The following POT1 variants were observed in gnomAD, a reference collection of about 807,000 sequenced individuals.
The protein encoded by POT1 is protection of telomeres 1.
A neutral mutation model predicts 78.5 loss-of-function variants in POT1; 47 were observed. That is an observed-to-expected ratio of 0.60 (90% CI 0.47 to 0.76). The LOEUF (loss-of-function observed/expected upper bound fraction) is 0.76. Among genes scored for constraint, POT1 ranks in the 30% least tolerant of loss-of-function variants. The probability of loss-of-function intolerance (pLI) is 0.00; values close to 1 mark genes in which losing one functional copy is unlikely to be tolerated. For missense variants in POT1, 646 were observed against 749.9 expected (o/e 0.86, Z 1.62); for synonymous variants, 259 against 260.7 (o/e 0.99, Z 0.06).
At chr7:124,832,440 C>T (rs1194240978) in intron 15 of POT1, among the ~76,000 whole-genome samples, 1 of 151,714 alleles carries the variant, frequency 6.6e-6, no homozygotes, top group Non-Finnish European at 1.5e-5. Flanking sequence ...TGATGAAACT[C>T]AAGTAATAAA....
At chr7:124,881,313 A>C (rs1796113361) in intron 6 of POT1, among the ~76,000 whole-genome samples, 1 of 151,972 alleles carries the variant, frequency 6.6e-6, no homozygotes, top group African/African-American at 2.4e-5. Context: ...CTCCATTATA[A>C]TCTTACGAGA....
intron 3 of POT1, among the ~76,000 whole-genome samples, chr7:124,908,685 C>T (rs1796822854): frequency 6.6e-6 from 1 of 151,874 alleles, no homozygotes; most frequent in Non-Finnish European, 1.5e-5. Flanking sequence ...GGACACTATG[C>T]TCTATGAGGG....
At chr7:124,882,058 C>T (rs1796131892) in intron 6 of POT1, among the ~76,000 whole-genome samples, 1 of 151,870 alleles carries the variant, frequency 6.6e-6, no homozygotes, top group Non-Finnish European at 1.5e-5. Context: ...CAATCTTGAG[C>T]AATTCAACGA....
chr7:124,834,255 G>A (rs1380915482), intron 15 of POT1, among the ~76,000 whole-genome samples: 1 of 152,116 alleles, frequency 6.6e-6, no homozygotes, highest in Non-Finnish European at 1.5e-5. Context: ...ATTGACAAAT[G>A]GGACCTAATT....
intron 3 of POT1, 72 bp downstream of exon 3, chr7:124,915,502 T>C (rs757274464): frequency 6.6e-6 from 1 of 152,142 alleles, no homozygotes; most frequent in Non-Finnish European, 1.5e-5. Context: ...CACACACATA[T>C]ATATATGAAG....
At chr7:124,888,075 CCT>C (rs1272283995) in intron 6 of POT1, among the ~76,000 whole-genome samples, 3 of 151,996 alleles carry the variant, frequency 2.0e-5, no homozygotes, top group African/African-American at 7.2e-5. Flanking sequence ...AAACCTTTCC[CCT>C]GTTTTATTCC....
intron 7 of POT1, among the ~76,000 whole-genome samples, chr7:124,866,147 A>G (rs1453817071): frequency 6.6e-6 from 1 of 152,108 alleles, no homozygotes; most frequent in Non-Finnish European, 1.5e-5. Flanking sequence ...TGATACGTGG[A>G]AAGCCCATGA....
intron 7 of POT1, among the ~76,000 whole-genome samples, chr7:124,870,155 T>C (rs955440011): frequency 2.0e-5 from 3 of 152,100 alleles, no homozygotes; most frequent in African/African-American, 4.8e-5. Flanking sequence ...TCTAAGGGAC[T>C]GAATATATAC....
chr7:124,892,633 T>A, intron 5 of POT1: 1 of 237,200 alleles, frequency 4.2e-6, no homozygotes, highest in Non-Finnish European at 8.1e-6. Flanking sequence ...TAAAACATTA[T>A]ACTTCTTCAA....
chr7:124,907,419 ATTAAC>A (rs371596750), intron 3 of POT1, among the ~76,000 whole-genome samples: 2 of 152,184 alleles, frequency 1.3e-5, no homozygotes, highest in South Asian at 2.1e-4. Flanking sequence ...AAAATCAACA[ATTAAC>A]TTAACTGCTT....
intron 6 of POT1, among the ~76,000 whole-genome samples, chr7:124,885,458 C>A (rs1563005052): frequency 6.6e-6 from 1 of 151,582 alleles, no homozygotes; most frequent in African/African-American, 2.4e-5. Context: ...GTCAACAGAG[C>A]AAGACCCTGT....
In POT1 at chr7:124,841,096, T is replaced by C. The variant is rs761543329; in HGVS notation, c.1246A>G (p.Thr416Ala). 3 of 1,612,876 alleles carry C rather than the reference T, an allele frequency of 1.9e-6. No homozygotes were observed. Among genetic ancestry groups the C allele is most frequent in the East Asian group, 2.2e-5 (1 of 44,732 alleles). ...TKTPDVKLQN[T>A]SLYDSKIWTT... ...CAGATTTTTGAATCATATAATGATG[T>C]ATTTTGTAGCTTGACATCTGGGGTT... Residue 416 changes from threonine (T) to alanine (A), a missense_variant, in exon 14 of 19, where the codon ACA becomes GCA. Physicochemically the swap from Thr to Ala is moderately conservative, Grantham distance 58. Around this residue, in one of 2 missense-constraint regions of POT1, gnomAD observed 394 missense variants for 408.4 expected, o/e 0.96. Transcript: ENST00000357628.
At chr7:124,869,690 C>A (rs540590621) in intron 7 of POT1, among the ~76,000 whole-genome samples, 1 of 152,314 alleles carries the variant, frequency 6.6e-6, no homozygotes, top group Non-Finnish European at 1.5e-5. Context: ...TCAAGCGATT[C>A]TCCTGCCTCA....
rs201285982 is a variant in POT1, at chr7:124,877,840, C to CAAAAAAAAAAAAAAAAAAAAAA, written c.125-6821_125-6800dup. The stretch of plus-strand genomic sequence containing the variant: ...TGGGCGACAGAGAGAGATTCTGTCT[C>CAAAAAAAAAAAAAAAAAAAAAA]AAAAAAAAAAAAAAAAAAAAAAAAA... On this transcript the variant is annotated intron_variant, in intron 6 of 18. Coordinates refer to ENST00000357628, the MANE Select transcript of POT1 (RefSeq NM_015450.3). Among the ~76,000 whole-genome samples the CAAAAAAAAAAAAAAAAAAAAAA allele has an allele frequency of 8.7e-5, 7 of 80,574 alleles. 1 individual carries two copies. The highest frequency in any genetic ancestry group is 1.6e-4 in the Non-Finnish European group (6 of 36,926). 52.9% of individuals were successfully genotyped at this position (80,574 alleles called of 152,430 possible).
intron 14 of POT1, 131 bp from the exon 15 acceptor site, chr7:124,835,545 A>C: frequency 2.0e-6 from 2 of 992,528 alleles, no homozygotes; most frequent in Non-Finnish European, 2.9e-6. Context: ...AATGTATGTA[A>C]AAAATATTAA....
intron 7 of POT1, among the ~76,000 whole-genome samples, chr7:124,868,205 C>G (rs978361928): frequency 1.3e-5 from 2 of 152,068 alleles, no homozygotes; most frequent in Non-Finnish European, 2.9e-5. Context: ...TGACCTTGCT[C>G]AACCAAAGAC....
intron 6 of POT1, among the ~76,000 whole-genome samples, chr7:124,872,041 C>A (rs753574498): frequency 7.9e-5 from 12 of 152,060 alleles, no homozygotes; most frequent in East Asian, 5.8e-4. Context: ...ACCACACAGA[C>A]CCCTGGCAAC....
intron 5 of POT1, among the ~76,000 whole-genome samples, chr7:124,893,187 A>C (rs1432917650): frequency 6.6e-6 from 1 of 151,412 alleles, no homozygotes; most frequent in Non-Finnish European, 1.5e-5. Context: ...AATTCTAAAA[A>C]ATGCAATTTA....
chr7:124,921,927 T>C lies in POT1; in HGVS notation c.-226-6281A>G, dbSNP rs188458535. On this transcript the variant is annotated intron_variant, in intron 2 of 18. Transcript: ENST00000357628. ...ATTTCCCAAATTTGATGAAAAATACTGAATGAATCCAAGAAGCTCAGTTAC... is the reference window on the plus strand; with the variant it reads ...ATTTCCCAAATTTGATGAAAAATACCGAATGAATCCAAGAAGCTCAGTTAC... 7.6e-4 allele frequency among the ~76,000 whole-genome samples: 115 copies of C among 152,138 alleles called. No homozygotes were observed. In the Middle Eastern group the frequency reaches 0.01, roughly 13 times the overall value.
Sources: allele counts gnomAD v4.1 joint callset (sites outside exome capture counted in the v4.1 genomes callset), GRCh38; gene constraint gnomAD v4.1.1; regional missense constraint gnomAD v4.1.1; transcripts MANE v1.5; gene names NCBI Gene and HGNC (gene_info 2026-07-23, HGNC 2026-07-21).